BEST1: variants seen among roughly 807,000 people sequenced by gnomAD.
The protein encoded by BEST1 is bestrophin-1.
BEST1 carries 58 observed loss-of-function variants against 63.3 expected under a neutral mutation model. The ratio of observed to expected loss-of-function variants is 0.92; its 90% CI spans 0.74 to 1.14. BEST1 has a LOEUF of 1.14. Among genes scored for constraint, BEST1 ranks in the 50% most tolerant of loss-of-function variants. BEST1 has a pLI of 0.00. For synonymous variants in BEST1, 283 were observed against 291.6 expected (o/e 0.97, Z 0.30); for missense variants, 671 against 740.1 (o/e 0.91, Z 1.08).
chr11:61,954,479 TTTTTTC>T (rs1282764579), intron 2 of BEST1, among the ~76,000 whole-genome samples: 2 of 152,172 alleles, frequency 1.3e-5, no homozygotes, highest in Admixed American at 6.5e-5. Context: ...CTCTGTTTCT[TTTTTTC>T]TTTTTAGAGA....
Position 61,962,668 on chromosome 11 carries a change from T to A in BEST1, c.1514T>A (p.Val505Glu). ...ACCAAAGACAAAAGCTTAAAGACTG[T>A]GAGTTCTGGGGCCAAGAAAAGTTTT... ...IDTKDKSLKTVSSGAKKSFEL... is the reference protein window; with the variant it reads ...IDTKDKSLKTESSGAKKSFEL... Residue 505 changes from valine (V) to glutamate (E), a missense_variant, in exon 10 of 11, where the codon GTG (valine) becomes GAG (glutamate). Transcript: ENST00000378043. 1 of 1,614,202 alleles carries A rather than the reference T, an allele frequency of 6.2e-7. No homozygotes were observed. The highest frequency in any genetic ancestry group is 1.1e-5 in the South Asian group (1 of 91,082).
intron 6 of BEST1, among the ~76,000 whole-genome samples, chr11:61,957,705 A>C (rs1036277429): frequency 6.6e-6 from 1 of 152,150 alleles, no homozygotes; most frequent in African/African-American, 2.4e-5. Context: ...GGCCGGGTGC[A>C]GTGGCTCATG....
chr11:61,959,583 G>T lies in BEST1; in HGVS notation c.948+5G>T. 1 of 1,614,092 alleles carries T rather than the reference G, an allele frequency of 6.2e-7. No homozygotes were observed. Among genetic ancestry groups the T allele is most frequent in the Non-Finnish European group, 8.5e-7 (1 of 1,179,972 alleles). On this transcript the variant is annotated splice_donor_5th_base_variant and intron_variant, in intron 8 of 10. Coordinates refer to ENST00000378043, the MANE Select transcript of BEST1 (RefSeq NM_004183.4). ...ATTGTCGACAGGAATTTGCAGGTAT[G>T]GGGAGAGGGAGAGAAACCATACCAT...
downstream of BEST1, chr11:61,965,379 T>C: frequency 6.2e-7 from 1 of 1,613,310 alleles, no homozygotes; most frequent in South Asian, 1.1e-5. Flanking sequence ...CTTGATATCC[T>C]GAAGGAAGAT....
intron 10 of BEST1, chr11:61,963,879 TG>T: frequency 7.5e-7 from 1 of 1,341,090 alleles, no homozygotes; most frequent in Non-Finnish European, 9.8e-7. Context: ...GTGGTGTGCC[TG>T]TAGTCCCAAC....
In BEST1 at chr11:61,958,266, C is replaced by T; in HGVS notation, c.835C>T (p.Leu279=). 6.2e-7 allele frequency: 1 copy of T among 1,614,250 alleles called. No homozygotes were observed. Among genetic ancestry groups the T allele is most frequent in the Non-Finnish European group, 8.5e-7 (1 of 1,180,040 alleles). The change falls in exon 7 of 11, where the codon CTG becomes TTG. Residue 279 remains leucine (L), a synonymous_variant. Transcript: ENST00000378043. ...CCTCGTTGTGCCCGTCTTCACGTTC[C>T]TGCAGTTCTTCTTCTATGTTGGCTG... ...LDLVVPVFTF[L]QFFFYVGWLK...
chr11:61,963,111 C>CA, intron 10 of BEST1: 1 of 1,462,026 alleles, frequency 6.8e-7, no homozygotes. Flanking sequence ...ACCCTGGTAT[C>CA]ACCCGGAAGA....
At position 61,951,348 on chromosome 11, in the gene BEST1, C is replaced by T. The variant is rs57623744; in HGVS notation, c.-36-423C>T. Among the ~76,000 whole-genome samples the T allele has an allele frequency of 3.9e-5, 6 of 152,250 alleles. No homozygotes were observed. The East Asian group carries it at 1.2e-3, about 29-fold the overall frequency. On this transcript the variant is annotated intron_variant, in intron 1 of 10. Transcript: ENST00000378043. ...TCAGCCTCCTGAGTAGCTGGGATTA[C>T]AGGCACCCGCACCACGCCTGGATAA...
chr11:61,964,673 T>C, downstream of BEST1: 1 of 1,579,372 alleles, frequency 6.3e-7, no homozygotes, highest in South Asian at 1.1e-5. Flanking sequence ...ATGCATGCAC[T>C]GCCTTGGTGA....
chr11:61,960,013 C>T lies in BEST1; in HGVS notation c.1070C>T (p.Ala357Val), dbSNP rs17854138. 4.9e-4 allele frequency: 787 copies of T among 1,610,444 alleles called. 5 individuals carry two copies. The East Asian group carries it at 0.015, about 31-fold the overall frequency. ...GCTGCTTCCGCCCAGTTCCGTCGAG[C>T]CTCCTTTATGGGCTCCACCTTCAAC... ...YTAASAQFRR[A>V]SFMGSTFNIS... Residue 357 changes from alanine to valine, a missense_variant, in exon 9 of 11, where the codon GCC becomes GTC. Ala to Val is a moderately conservative substitution (Grantham distance 64, BLOSUM62 0). Transcript: ENST00000378043.
Position 61,964,133 on chromosome 11 carries a change from A to G in BEST1, c.*11A>G. On this transcript the variant is annotated 3_prime_UTR_variant, in exon 11 of 11. Coordinates refer to ENST00000378043, the MANE Select transcript of BEST1 (RefSeq NM_004183.4). ...GAAGCACATTCCTAACCTGCTTCCTAATGGGGATGCTTCGCCAGCCAGGTC... is the reference window on the plus strand; with the variant it reads ...GAAGCACATTCCTAACCTGCTTCCTGATGGGGATGCTTCGCCAGCCAGGTC... 1 of 1,613,998 alleles carries G rather than the reference A, an allele frequency of 6.2e-7. No individual in the cohort carries two copies. Among genetic ancestry groups the G allele is most frequent in the Middle Eastern group, 1.6e-4 (1 of 6,062 alleles).
intron 5 of BEST1, 80 bp from the exon 6 acceptor site, chr11:61,957,299 GGCCCTGGT>G: frequency 9.6e-6 from 12 of 1,249,878 alleles, no homozygotes; most frequent in Non-Finnish European, 1.4e-5. Flanking sequence ...ATAGGTACCA[GGCCCTGGT>G]ACCTGGAGAA....
chr11:61,950,786 G>A (rs1168086282), intron 1 of BEST1, among the ~76,000 whole-genome samples: 1 of 152,206 alleles, frequency 6.6e-6, no homozygotes, highest in African/African-American at 2.4e-5. Context: ...AGTGATAAGT[G>A]CTCTCTAGAA....
intron 10 of BEST1, 97 bp from the exon 11 acceptor site, chr11:61,964,003 AAAAG>A (rs1942347791): frequency 6.5e-7 from 1 of 1,541,970 alleles, no homozygotes; most frequent in Non-Finnish European, 8.7e-7. Context: ...AAAAAAAAAA[AAAAG>A]GATCGTCTCA....
At position 61,962,706 on chromosome 11, in the gene BEST1, G is replaced by T. The variant is rs370835731; in HGVS notation, c.1552G>T (p.Glu518Ter). 6.1e-5 allele frequency: 99 copies of T among 1,614,138 alleles called. No individual in the cohort carries two copies. The highest frequency in any genetic ancestry group is 8.1e-5 in the Non-Finnish European group (95 of 1,180,060). ...CAAGAAAAGTTTTGAATTGCTCTCA[G>T]AGAGCGATGGGGCCTTGATGGAGCA... ...GAKKSFELLS[E>*]SDGALMEHPE... The change falls in exon 10 of 11, where the codon GAG becomes TAG. Residue 518 changes from glutamate (E) to a stop codon, truncating the protein, a stop_gained. Transcript: ENST00000378043. LOFTEE classifies it high-confidence loss of function.
intron 1 of BEST1, among the ~76,000 whole-genome samples, chr11:61,950,980 A>G (rs1330361551): frequency 6.6e-6 from 1 of 152,176 alleles, no homozygotes; most frequent in East Asian, 1.9e-4. Flanking sequence ...GCCACCATTC[A>G]GTAAACATCA....
At chr11:61,950,778 T>C (rs1940570832) in intron 1 of BEST1, among the ~76,000 whole-genome samples, 1 of 152,146 alleles carries the variant, frequency 6.6e-6, no homozygotes, top group African/African-American at 2.4e-5. Flanking sequence ...TTTCAAGTAG[T>C]GATAAGTGCT....
chr11:61,964,388 C>G lies in BEST1; in HGVS notation c.*266C>G. On this transcript the variant is annotated 3_prime_UTR_variant, in exon 11 of 11. Coordinates refer to ENST00000378043, the MANE Select transcript of BEST1 (RefSeq NM_004183.4). ...GATTCAGAGTCGGGAACCCTTAGTTCTATCTGAATCCAAGACAGCCACACC... is the reference window on the plus strand; with the variant it reads ...GATTCAGAGTCGGGAACCCTTAGTTGTATCTGAATCCAAGACAGCCACACC... The G allele has an allele frequency of 1.5e-6, 1 of 674,960 alleles. No individual in the cohort carries two copies. The allele number at this position is 674,960 out of a possible 1,614,324, so 41.8% of individuals were successfully genotyped here.
intron 7 of BEST1, 51 bp downstream of exon 7, chr11:61,958,349 T>C (rs146282323): frequency 6.2e-7 from 1 of 1,613,732 alleles, no homozygotes; most frequent in African/African-American, 1.3e-5. Flanking sequence ...AGAGGGGTCA[T>C]GGCCAGCAGC....
Sources: gnomAD v4.1 joint callset for allele counts (sites outside exome capture counted in the v4.1 genomes callset) on GRCh38, gnomAD v4.1.1 for gene constraint, MANE v1.5 for transcripts, NCBI Gene and HGNC (gene_info 2026-07-23, HGNC 2026-07-21) for gene names.